The following LMAN1L variants were observed in gnomAD, a reference collection of about 807,000 sequenced individuals.
LMAN1L encodes protein ERGIC-53-like.
A neutral mutation model predicts 58.3 loss-of-function variants in LMAN1L; 60 were observed. That is an observed-to-expected ratio of 1.03 (90% confidence interval 0.84 to 1.27). LMAN1L has a LOEUF of 1.27. Ranked by LOEUF, LMAN1L falls within the 50% of genes most tolerant of loss-of-function variation. The pLI is 0.00. For missense variants in LMAN1L, 629 were observed against 674.0 expected (o/e 0.93, Z 0.74); for synonymous variants, 280 against 271.6 (o/e 1.03, Z -0.31).
chr15:74,819,714 C>A, intron 6 of LMAN1L: 1 of 503,494 alleles, frequency 2.0e-6, no homozygotes. Flanking sequence ...GGCCACTGTG[C>A]AGTTGCTACT....
In LMAN1L at chr15:74,821,138, G is replaced by A. The variant is rs781165467; in HGVS notation, c.971G>A (p.Arg324Gln). 1.6e-5 allele frequency: 25 copies of A among 1,559,824 alleles called. No individual in the cohort carries two copies. Among genetic ancestry groups the A allele is most frequent in the South Asian group, 9.4e-5 (8 of 84,716 alleles). Reference sequence around the variant, plus strand: ...CACCGCCGGATCCTGCAGGCTCTGCGGGGTCTCTCCAAGCAGCTGGCCCAG... The same window carrying A: ...CACCGCCGGATCCTGCAGGCTCTGCAGGGTCTCTCCAAGCAGCTGGCCCAG... ...GRHRRILQAL[R>Q]GLSKQLAQAE... is the part of the protein sequence containing the mutation. The change falls in exon 9 of 14, where the codon CGG becomes CAG. Residue 324 changes from arginine (R) to glutamine (Q), a missense_variant. Arg to Gln is a conservative substitution (Grantham distance 43, BLOSUM62 1). Transcript: ENST00000309664.
At chr15:74,821,263 G>A (rs1034164251) in intron 9 of LMAN1L, 37 bp downstream of exon 9, 23 of 1,543,338 alleles carry the variant, frequency 1.5e-5, no homozygotes, top group African/African-American at 6.9e-5. Context: ...CTCCACCTGC[G>A]GGCCTGAAAG....
At chr15:74,823,422 C>A in intron 11 of LMAN1L, 137 bp from the exon 12 acceptor site, 1 of 823,994 alleles carries the variant, frequency 1.2e-6, no homozygotes, top group East Asian at 2.5e-5. Context: ...AAAGACCAGC[C>A]CCCAAGAAGG....
At chr15:74,823,449 C>A (rs1284029158) in intron 11 of LMAN1L, 110 bp from the exon 12 acceptor site, 2 of 1,244,844 alleles carry the variant, frequency 1.6e-6, no homozygotes, top group Admixed American at 1.9e-5. Context: ...ATGGATGGTA[C>A]CTGTTCCCCA....
At chr15:74,816,591 C>T (rs1555466930) in intron 3 of LMAN1L, 41 bp from the exon 4 acceptor site, 4 of 1,600,544 alleles carry the variant, frequency 2.5e-6, no homozygotes, top group African/African-American at 1.3e-5. Flanking sequence ...CTCCCCCTCC[C>T]GCCATGTCCG....
At chr15:74,820,594 C>T in intron 7 of LMAN1L, 41 bp from the exon 8 acceptor site, 1 of 1,611,730 alleles carries the variant, frequency 6.2e-7, no homozygotes, top group Non-Finnish European at 8.5e-7. Context: ...TTCTGGATCT[C>T]CCATGGGTTT....
chr15:74,816,218 C>T lies in LMAN1L; in HGVS notation c.237C>T (p.Ala79=), dbSNP rs1354630333. The T allele has an allele frequency of 1.9e-6, 3 of 1,579,166 alleles. No individual in the cohort carries two copies. The highest frequency in any genetic ancestry group is 1.7e-4 in the Middle Eastern group (1 of 5,802). ...LTPSMRNRSG[A]VWSRASVPFS... ...CATCCATGAGGAACCGGAGTGGCGC[C>T]GTGTGGAGCAGGGCCTCTGTCCCCT... Residue 79 remains alanine (A), a synonymous_variant, in exon 2 of 14, where the codon GCC becomes GCT. Coordinates refer to ENST00000309664, the MANE Select transcript of LMAN1L (RefSeq NM_021819.3).
Position 74,814,550 on chromosome 15 carries a change from C to T in LMAN1L, c.175+1521C>T, listed in dbSNP as rs983079279. 3.3e-5 allele frequency among the ~76,000 whole-genome samples: 5 copies of T among 152,080 alleles called. No homozygotes were observed. The East Asian group carries it at 5.8e-4, about 18-fold the overall frequency. On this transcript the variant is annotated intron_variant, in intron 1 of 13. Transcript: ENST00000309664. Reference sequence around the variant, plus strand: ...CACCACCCCCAGCTAATTTTTTGTACTTTTAGTAGAGATGGGGTTTCACCT... The same window carrying T: ...CACCACCCCCAGCTAATTTTTTGTATTTTTAGTAGAGATGGGGTTTCACCT...
intron 1 of LMAN1L, among the ~76,000 whole-genome samples, chr15:74,815,306 T>A (rs1317932512): frequency 1.3e-5 from 2 of 152,130 alleles, no homozygotes; most frequent in Non-Finnish European, 2.9e-5. Flanking sequence ...ATTAGCTGCC[T>A]CCAGAACGTC....
At position 74,822,702 on chromosome 15, in the gene LMAN1L, G is replaced by T. The variant is rs199936512; in HGVS notation, c.1192G>T (p.Glu398Ter). ...GQWTLLQALQ[E>*]MRDAAVRMAA... ...GTGGACTCTGCTCCAGGCCCTGCAAGAGATGAGGTAAGGGACTGGGTGGGG... is the reference window on the plus strand; with the variant it reads ...GTGGACTCTGCTCCAGGCCCTGCAATAGATGAGGTAAGGGACTGGGTGGGG... The change falls in exon 11 of 14, where the codon GAG becomes TAG. Residue 398 changes from glutamate (E) to a stop codon, truncating the protein, a stop_gained. Coordinates refer to ENST00000309664, the MANE Select transcript of LMAN1L (RefSeq NM_021819.3). LOFTEE classifies it high-confidence loss of function. 2.4e-5 allele frequency: 39 copies of T among 1,613,686 alleles called. No homozygotes were observed. The highest frequency in any genetic ancestry group is 2.6e-5 in the Non-Finnish European group (31 of 1,179,716).
intron 12 of LMAN1L, 77 bp from the exon 13 acceptor site, chr15:74,824,274 C>A: frequency 3.6e-6 from 5 of 1,393,582 alleles, no homozygotes; most frequent in Non-Finnish European, 4.0e-6. Flanking sequence ...ACGGAGCATG[C>A]ACATGGCCTA....
At position 74,824,211 on chromosome 15, in the gene LMAN1L, C is replaced by T. The variant is rs186546818; in HGVS notation, c.1324-140C>T. The T allele has an allele frequency of 3.2e-4, 243 of 764,166 alleles. 1 individual carries two copies. The African/African-American group carries it at 3.5e-3, about 11-fold the overall frequency. The allele number at this position is 764,166 out of a possible 1,614,324, so 47.3% of individuals were successfully genotyped here. On this transcript the variant is annotated intron_variant, in intron 12 of 13. Transcript: ENST00000309664. ...GGGAGGCAGCTTTGTACACTGCCCC[C>T]TCTCCAAGTTCCCTGGATGAGAGCC...
At chr15:74,823,921 A>G in intron 12 of LMAN1L, 1 of 560,424 alleles carries the variant, frequency 1.8e-6, no homozygotes, top group Non-Finnish European at 3.2e-6. Context: ...ACTCAGCAGC[A>G]GCAGGGCCCT....
intron 9 of LMAN1L, 151 bp from the exon 10 acceptor site, chr15:74,821,678 G>T: frequency 1.6e-6 from 1 of 611,932 alleles, no homozygotes. Flanking sequence ...ATACTGGGCA[G>T]AGGAGGCCAG....
chr15:74,825,430 A>G (rs201629178), intron 13 of LMAN1L, 46 bp from the exon 14 acceptor site: 4 of 1,579,962 alleles, frequency 2.5e-6, no homozygotes, highest in African/African-American at 2.7e-5. Context: ...TCAAAAGCCC[A>G]TAAAGGAGAG....
At chr15:74,816,122 G>C in intron 1 of LMAN1L, 35 bp from the exon 2 acceptor site, 1 of 1,535,880 alleles carries the variant, frequency 6.5e-7, no homozygotes, top group East Asian at 2.5e-5. Context: ...ATGGGGTGTA[G>C]TGGAGCCTGG....
Position 74,812,862 on chromosome 15 carries a change from C to T in LMAN1L, c.8C>T (p.Ala3Val), listed in dbSNP as rs373850264. 62 of 1,595,666 alleles carry T rather than the reference C, an allele frequency of 3.9e-5. No homozygotes were observed. Among genetic ancestry groups the T allele is most frequent in the Middle Eastern group, 3.4e-4 (2 of 5,952 alleles). The stretch of plus-strand genomic sequence containing the variant: ...ACTTCAGGCGCCTTCACGATGCCGG[C>T]GGTCAGTGGTCCAGGTCCCTTATTC... MP[A>V]VSGPGPLFCL... Residue 3 changes from alanine to valine, a missense_variant, in exon 1 of 14, where the codon GCG (alanine) becomes GTG (valine). By Grantham distance (64) the Ala-to-Val change is moderately conservative. Around this residue, in one of 3 missense-constraint regions of LMAN1L, gnomAD observed 573 missense variants for 597.3 expected, o/e 0.96. Coordinates refer to ENST00000309664, the MANE Select transcript of LMAN1L (RefSeq NM_021819.3).
At chr15:74,820,877 C>A (rs1029972370) in intron 8 of LMAN1L, 110 bp downstream of exon 8, 1 of 1,437,166 alleles carries the variant, frequency 7.0e-7, no homozygotes, top group African/African-American at 1.4e-5. Flanking sequence ...CTGAGGAGGC[C>A]ACATCTAAGC....
Position 74,820,783 on chromosome 15 carries a change from G to C in LMAN1L, c.907+16G>C. ...CAAGGAGAAGGTAGGGACCGAGAGA[G>C]CGGGCAGGTGGCGCCCATCTGAGTG... On this transcript the variant is annotated intron_variant, in intron 8 of 13. Coordinates refer to ENST00000309664, the MANE Select transcript of LMAN1L (RefSeq NM_021819.3). 1 of 1,603,560 alleles carries C rather than the reference G, an allele frequency of 6.2e-7. No homozygotes were observed. Among genetic ancestry groups the C allele is most frequent in the Non-Finnish European group, 8.5e-7 (1 of 1,174,364 alleles).
Sources: allele counts gnomAD v4.1 joint callset (sites outside exome capture counted in the v4.1 genomes callset), GRCh38; gene constraint gnomAD v4.1.1; regional missense constraint gnomAD v4.1.1; transcripts MANE v1.5; gene names NCBI Gene and HGNC (gene_info 2026-07-23, HGNC 2026-07-21).